The following WWOX variants were observed in gnomAD, a reference collection of about 807,000 sequenced individuals.
WWOX encodes WW domain-containing oxidoreductase.
In WWOX, 69 loss-of-function variants were observed where a neutral mutation model predicts 46.2. The ratio of observed to expected loss-of-function variants is 1.49; its 90% CI spans 1.23 to 1.82. The LOEUF (loss-of-function observed/expected upper bound fraction) is 1.82. WWOX is among the 40% of genes most tolerant of loss of function. The probability of loss-of-function intolerance (pLI) is 0.00; values close to 1 mark genes in which losing one functional copy is unlikely to be tolerated. For synonymous variants in WWOX, 359 were observed against 202.6 expected, an observed-to-expected ratio of 1.77 and a Z score of -6.56; for missense variants, 919 against 542.6, an observed-to-expected ratio of 1.69 and a Z score of -6.89.
At chr16:78,626,377 C>G (rs1468033319) in intron 8 of WWOX, among the ~76,000 whole-genome samples, 2 of 152,152 alleles carry the variant, frequency 1.3e-5, no homozygotes, top group African/African-American at 2.4e-5. Context: ...TCAGAATTGT[C>G]TTTGTGATGA....
chr16:79,096,452 A>T lies in WWOX; in HGVS notation c.1057-115156A>T, dbSNP rs8058305. ...GCTGTGCGGGCCTCCCTGCTGTTCAATGGAATGAGACCCATGCCCCTCCTG... is the reference window on the plus strand; with the variant it reads ...GCTGTGCGGGCCTCCCTGCTGTTCATTGGAATGAGACCCATGCCCCTCCTG... On this transcript the variant is annotated intron_variant, in intron 8 of 8. Coordinates refer to ENST00000566780, the MANE Select transcript of WWOX (RefSeq NM_016373.4). Among the ~76,000 whole-genome samples, 1,114 of 151,974 alleles carry T rather than the reference A, an allele frequency of 7.3e-3. 15 individuals are homozygous for T. The highest frequency in any genetic ancestry group is 0.025 in the African/African-American group (1,052 of 41,422).
intron 8 of WWOX, among the ~76,000 whole-genome samples, chr16:78,553,643 A>C (rs889416629): frequency 2.0e-5 from 3 of 152,098 alleles, no homozygotes; most frequent in Non-Finnish European, 4.4e-5. Context: ...TAATAGAAGG[A>C]GGGATGCCTG....
intron 8 of WWOX, among the ~76,000 whole-genome samples, chr16:79,210,832 C>T (rs1172740715): frequency 6.6e-6 from 1 of 152,146 alleles, no homozygotes; most frequent in Non-Finnish European, 1.5e-5. Context: ...ACAGCCGCAA[C>T]TGTTACTCAA....
At chr16:78,885,599 GA>G (rs1270830359) in intron 8 of WWOX, among the ~76,000 whole-genome samples, 4 of 152,184 alleles carry the variant, frequency 2.6e-5, no homozygotes, top group Non-Finnish European at 5.9e-5. Flanking sequence ...AAAATTCAGA[GA>G]AACTAGAGCC....
At chr16:79,027,064 G>T (rs2047660305) in intron 8 of WWOX, among the ~76,000 whole-genome samples, 2 of 151,546 alleles carry the variant, frequency 1.3e-5, no homozygotes, top group African/African-American at 4.9e-5. Context: ...AGGATCACGT[G>T]AGCCCAGCAG....
chr16:78,393,325 C>G (rs1161073609), intron 6 of WWOX, among the ~76,000 whole-genome samples: 6 of 152,144 alleles, frequency 3.9e-5, no homozygotes, highest in Non-Finnish European at 8.8e-5. Flanking sequence ...GTTAACAGCT[C>G]CTAGAGAGAG....
chr16:78,687,878 C>G (rs567560637), intron 8 of WWOX, among the ~76,000 whole-genome samples: 2 of 152,104 alleles, frequency 1.3e-5, no homozygotes, highest in East Asian at 3.9e-4. Flanking sequence ...TAAAAATTAG[C>G]TAGAAACGCA....
intron 8 of WWOX, among the ~76,000 whole-genome samples, chr16:78,834,456 T>C (rs1395856477): frequency 6.6e-6 from 1 of 152,122 alleles, no homozygotes; most frequent in East Asian, 1.9e-4. Context: ...CCAAAATTTA[T>C]TGAGAGGTGT....
At chr16:78,621,613 T>C (rs1221797227) in intron 8 of WWOX, among the ~76,000 whole-genome samples, 2 of 118,866 alleles carry the variant, frequency 1.7e-5, no homozygotes, top group Non-Finnish European at 3.5e-5. Flanking sequence ...TTTTTTTTTT[T>C]TTTTTTTTTG....
chr16:78,657,335 G>C (rs77494008), intron 8 of WWOX, among the ~76,000 whole-genome samples: 5 of 152,222 alleles, frequency 3.3e-5, no homozygotes, highest in Admixed American at 3.3e-4. Flanking sequence ...TGAGGTGGGG[G>C]GAAGGGGACT....
intron 8 of WWOX, among the ~76,000 whole-genome samples, chr16:78,442,000 G>A (rs1567575670): frequency 1.3e-5 from 2 of 151,134 alleles, no homozygotes; most frequent in Admixed American, 6.6e-5. Flanking sequence ...GGCTGGGCAT[G>A]GTGGCTCTTG....
intron 8 of WWOX, among the ~76,000 whole-genome samples, chr16:79,021,426 A>G (rs976427830): frequency 1.3e-5 from 2 of 152,142 alleles, no homozygotes; most frequent in African/African-American, 4.8e-5. Context: ...TGAATACATA[A>G]AACGCACGGG....
intron 8 of WWOX, among the ~76,000 whole-genome samples, chr16:78,776,070 GT>G (rs1336281848): frequency 2.0e-5 from 3 of 152,222 alleles, no homozygotes; most frequent in Non-Finnish European, 4.4e-5. Flanking sequence ...ACCATGGCTA[GT>G]TCAGAAAACC....
At chr16:78,840,461 A>G (rs554966410) in intron 8 of WWOX, among the ~76,000 whole-genome samples, 2 of 152,290 alleles carry the variant, frequency 1.3e-5, no homozygotes, top group East Asian at 1.9e-4. Context: ...AAGAGGAGCG[A>G]TGGCATGGCA....
intron 8 of WWOX, among the ~76,000 whole-genome samples, chr16:78,603,343 C>G (rs563430470): frequency 6.6e-6 from 1 of 152,294 alleles, no homozygotes; most frequent in Non-Finnish European, 1.5e-5. Context: ...AGATCTCATT[C>G]TGAGTATCAG....
intron 8 of WWOX, among the ~76,000 whole-genome samples, chr16:78,579,949 G>T (rs911453839): frequency 6.6e-6 from 1 of 152,176 alleles, no homozygotes; most frequent in African/African-American, 2.4e-5. Flanking sequence ...AATGCAGGTG[G>T]CTGTGAGGGA....
intron 8 of WWOX, among the ~76,000 whole-genome samples, chr16:78,820,859 G>A (rs1014321642): frequency 2.6e-5 from 4 of 152,076 alleles, no homozygotes; most frequent in Non-Finnish European, 5.9e-5. Flanking sequence ...GTGACTGCTG[G>A]CAATTCTTGA....
rs192992244 is a variant in WWOX, at chr16:79,172,674, G to T, written c.1057-38934G>T. Among the ~76,000 whole-genome samples the T allele has an allele frequency of 5.9e-5, 9 of 152,162 alleles. No individual in the cohort carries two copies. In the East Asian group the frequency reaches 1.7e-3, roughly 29 times the overall value. ...AACTGTGAGGTGTTTTTTTGTTTGTGTGCACGCGCACGTATGTGTGTGTGT... is the reference window on the plus strand; with the variant it reads ...AACTGTGAGGTGTTTTTTTGTTTGTTTGCACGCGCACGTATGTGTGTGTGT... On this transcript the variant is annotated intron_variant, in intron 8 of 8. Coordinates refer to ENST00000566780, the MANE Select transcript of WWOX (RefSeq NM_016373.4).
chr16:78,768,989 C>G (rs1056800702), intron 8 of WWOX, among the ~76,000 whole-genome samples: 1 of 152,158 alleles, frequency 6.6e-6, no homozygotes, highest in Admixed American at 6.5e-5. Flanking sequence ...AGGTGTGGTT[C>G]AAAGATGCTT....
Sources: allele counts gnomAD v4.1 joint callset (sites outside exome capture counted in the v4.1 genomes callset), GRCh38; gene constraint gnomAD v4.1.1; transcripts MANE v1.5; gene names NCBI Gene and HGNC (gene_info 2026-07-23, HGNC 2026-07-21).